The following PRKCE variants were observed in gnomAD, a reference collection of about 807,000 sequenced individuals.
The protein encoded by PRKCE is protein kinase C epsilon.
In PRKCE, 16 loss-of-function variants were observed where a neutral mutation model predicts 85.4. That is an observed-to-expected ratio of 0.19 (90% CI 0.13 to 0.28). PRKCE has a LOEUF of 0.28. Among genes scored for constraint, PRKCE ranks in the 10% least tolerant of loss-of-function variants. The pLI is 1.00. For synonymous variants in PRKCE, 388 were observed against 371.5 expected (o/e 1.04, Z -0.51); for missense variants, 573 against 975.2 (o/e 0.59, Z 5.49).
chr2:46,031,022 C>G (rs1308710422), intron 10 of PRKCE, among the ~76,000 whole-genome samples: 5 of 152,200 alleles, frequency 3.3e-5, no homozygotes. Flanking sequence ...GTACCATGCT[C>G]TATGTGAGTA....
At chr2:45,870,749 T>C (rs963674150) in intron 2 of PRKCE, among the ~76,000 whole-genome samples, 33 of 152,230 alleles carry the variant, frequency 2.2e-4, no homozygotes, top group African/African-American at 7.7e-4. Context: ...TTGGGCAGAC[T>C]TCTTTAATGG....
intron 3 of PRKCE, among the ~76,000 whole-genome samples, chr2:45,977,006 C>A (rs565890316): frequency 6.6e-6 from 1 of 152,054 alleles, no homozygotes; most frequent in African/African-American, 2.4e-5. Context: ...AAGTGATTCT[C>A]ATGCCTCAGC....
chr2:46,055,714 A>T (rs114883701), intron 10 of PRKCE, among the ~76,000 whole-genome samples: 114 of 152,072 alleles, frequency 7.5e-4, no homozygotes, highest in African/African-American at 2.5e-3. Context: ...GTTGGCTGGA[A>T]TGCAGTGGCA....
intron 2 of PRKCE, among the ~76,000 whole-genome samples, chr2:45,879,546 A>G (rs771456005): frequency 2.6e-5 from 4 of 152,226 alleles, no homozygotes; most frequent in African/African-American, 7.2e-5. Flanking sequence ...CCTGTAACAC[A>G]TGACCTCTGG....
chr2:45,845,216 T>G (rs560281990), intron 2 of PRKCE, among the ~76,000 whole-genome samples: 1 of 152,148 alleles, frequency 6.6e-6, no homozygotes, highest in East Asian at 1.9e-4. Context: ...ACTGTGAGGG[T>G]TCCTAGCCTG....
chr2:45,687,596 T>A (rs1186544830), intron 1 of PRKCE, among the ~76,000 whole-genome samples: 1 of 152,340 alleles, frequency 6.6e-6, no homozygotes, highest in African/African-American at 2.4e-5. Flanking sequence ...TGTGTGAAGA[T>A]ATATTTGAGA....
rs1303469130 is a variant in PRKCE at position 45,652,879 on chromosome 2, G to C, written c.348+431G>C. On this transcript the variant is annotated intron_variant, in intron 1 of 14. Coordinates refer to ENST00000306156, the MANE Select transcript of PRKCE (RefSeq NM_005400.3). The surrounding 1 kb of genome is among the most constrained non-coding windows in gnomAD (Gnocchi z 7.7). ...AAGGCTTCTTGCACGTCCTGGCTTT[G>C]TCCTGCTTAGCCGAGCGAGGAGTTG... Among the ~76,000 whole-genome samples, 1 of 152,194 alleles carries C rather than the reference G, an allele frequency of 6.6e-6. No individual in the cohort carries two copies. Among genetic ancestry groups the C allele is most frequent in the Non-Finnish European group, 1.5e-5 (1 of 68,036 alleles).
chr2:46,123,355 G>A (rs1244768061), intron 11 of PRKCE, among the ~76,000 whole-genome samples: 1 of 151,492 alleles, frequency 6.6e-6, no homozygotes, highest in Non-Finnish European at 1.5e-5. Flanking sequence ...AAGTAGTGAG[G>A]CTGAAATGAG....
At chr2:46,129,415 C>G (rs2104394874) in intron 11 of PRKCE, among the ~76,000 whole-genome samples, 1 of 151,980 alleles carries the variant, frequency 6.6e-6, no homozygotes, top group Admixed American at 6.5e-5. Flanking sequence ...TTTTACTCCT[C>G]AACGTTATTT....
At chr2:46,055,779 C>T (rs1666522143) in intron 10 of PRKCE, among the ~76,000 whole-genome samples, 1 of 152,282 alleles carries the variant, frequency 6.6e-6, no homozygotes, top group Non-Finnish European at 1.5e-5. Flanking sequence ...GCTCCCACCT[C>T]AGCCTCCCTA....
At chr2:45,675,546 C>A (rs1676394665) in intron 1 of PRKCE, 1 of 152,178 alleles carries the variant, frequency 6.6e-6, no homozygotes, top group South Asian at 2.1e-4. Flanking sequence ...TAATTTTAAA[C>A]CGGTCTGACG....
chr2:45,944,781 C>G (rs779310363), intron 2 of PRKCE, among the ~76,000 whole-genome samples: 14 of 148,750 alleles, frequency 9.4e-5, no homozygotes, highest in Non-Finnish European at 1.8e-4. Context: ...GGATTACAGG[C>G]ATGAGCCACT....
Position 45,697,656 on chromosome 2 carries a change from A to C in PRKCE, c.348+45208A>C, listed in dbSNP as rs1572974964. Among the ~76,000 whole-genome samples the C allele has an allele frequency of 6.6e-6, 1 of 151,932 alleles. No individual in the cohort carries two copies. Among genetic ancestry groups the C allele is most frequent in the Non-Finnish European group, 1.5e-5 (1 of 67,980 alleles). On this transcript the variant is annotated intron_variant, in intron 1 of 14. Coordinates refer to ENST00000306156, the MANE Select transcript of PRKCE (RefSeq NM_005400.3). This position sits in a 1 kb window ranked among gnomAD's most constrained non-coding sequence, Gnocchi z 4.2. ...TGACATCCCTGCAGGTGCCATCTTC[A>C]CCTGAAGGCCCTTGGCTCCAACCTG...
At chr2:46,072,724 A>G (rs1414186862) in intron 10 of PRKCE, among the ~76,000 whole-genome samples, 1 of 152,244 alleles carries the variant, frequency 6.6e-6, no homozygotes, top group African/African-American at 2.4e-5. Flanking sequence ...GGTCAGATAC[A>G]GGAGACATGG....
At chr2:45,978,290 TG>T (rs1472294790) in intron 3 of PRKCE, 1 of 152,358 alleles carries the variant, frequency 6.6e-6, no homozygotes, top group Non-Finnish European at 1.5e-5. Context: ...GAATAGCTTC[TG>T]GTTCCCACTG....
At chr2:46,136,324 C>T (rs1482435977) in intron 11 of PRKCE, among the ~76,000 whole-genome samples, 1 of 152,168 alleles carries the variant, frequency 6.6e-6, no homozygotes, top group Non-Finnish European at 1.5e-5. Context: ...TGTTAAGGGC[C>T]TCACGCGTGC....
chr2:45,667,269 C>G (rs981907895), intron 1 of PRKCE, among the ~76,000 whole-genome samples: 1 of 152,070 alleles, frequency 6.6e-6, no homozygotes, highest in Non-Finnish European at 1.5e-5. Context: ...CGAGATCACA[C>G]CACTGCACTC....
intron 12 of PRKCE, among the ~76,000 whole-genome samples, chr2:46,147,670 G>A (rs755687502): frequency 2.6e-5 from 4 of 152,144 alleles, no homozygotes; most frequent in Non-Finnish European, 5.9e-5. Flanking sequence ...TGCCTTCATC[G>A]AGGGCTACTG....
At chr2:45,657,596 C>T (rs919345824) in intron 1 of PRKCE, among the ~76,000 whole-genome samples, 13 of 152,198 alleles carry the variant, frequency 8.5e-5, no homozygotes, top group Non-Finnish European at 1.6e-4. Context: ...ATATAGGCCA[C>T]GAGAAAGCTA....
Sources: allele counts gnomAD v4.1 joint callset (sites outside exome capture counted in the v4.1 genomes callset), GRCh38; gene constraint gnomAD v4.1.1; non-coding constraint Gnocchi (gnomAD v3.1); transcripts MANE v1.5; gene names NCBI Gene and HGNC (gene_info 2026-07-23, HGNC 2026-07-21).